NSD1: variants seen among roughly 807,000 people sequenced by gnomAD.
NSD1 encodes histone-lysine N-methyltransferase, H3 lysine-36 specific.
Under a neutral mutation model 242.7 loss-of-function variants are expected in NSD1, and 26 were observed. The ratio of observed to expected loss-of-function variants is 0.11; its 90% CI spans 0.08 to 0.15. The LOEUF (loss-of-function observed/expected upper bound fraction) is 0.15, where lower values mean the gene tolerates loss of function less well. NSD1 is among the 10% of genes least tolerant of loss of function. The probability of loss-of-function intolerance (pLI) is 1.00; values close to 1 mark genes in which losing one functional copy is unlikely to be tolerated. For missense variants in NSD1, 2,495 were observed against 3,272.8 expected (o/e 0.76, Z 5.80); for synonymous variants, 1,106 against 1,178.1 (o/e 0.94, Z 1.25).
intron 17 of NSD1, among the ~76,000 whole-genome samples, chr5:177,274,039 A>G (rs2127242872): frequency 6.6e-6 from 1 of 152,216 alleles, no homozygotes; most frequent in East Asian, 1.9e-4. Context: ...CTGTAATTCC[A>G]GCTACTTGGG....
intron 5 of NSD1, among the ~76,000 whole-genome samples, chr5:177,235,330 A>G (rs1482965339): frequency 6.6e-6 from 1 of 152,234 alleles, no homozygotes; most frequent in East Asian, 1.9e-4. Context: ...TGGTATTTCA[A>G]TTTGGGTCCC....
At chr5:177,279,100 G>A (rs1486858667) in intron 17 of NSD1, among the ~76,000 whole-genome samples, 1 of 152,190 alleles carries the variant, frequency 6.6e-6, no homozygotes, top group Admixed American at 6.5e-5. Context: ...CCTGCCTGTA[G>A]TCCCAACTAC....
At chr5:177,158,271 TTC>T (rs1407594439) in intron 2 of NSD1, among the ~76,000 whole-genome samples, 1 of 104,250 alleles carries the variant, frequency 9.6e-6, no homozygotes, top group Non-Finnish European at 1.7e-5. Context: ...CTTTCTTTCT[TTC>T]TTTCTTTCTT....
intron 3 of NSD1, among the ~76,000 whole-genome samples, chr5:177,196,080 T>C (rs573525503): frequency 2.2e-4 from 33 of 152,280 alleles, no homozygotes; most frequent in African/African-American, 7.2e-4. Context: ...TTATCTCTGA[T>C]CTGTTACTTG....
At chr5:177,223,959 C>A (rs943165578) in intron 5 of NSD1, among the ~76,000 whole-genome samples, 2 of 152,172 alleles carry the variant, frequency 1.3e-5, no homozygotes, top group Non-Finnish European at 2.9e-5. Flanking sequence ...GCACTCCAGC[C>A]TGCCTGGGTG....
In NSD1 at chr5:177,294,074, C is replaced by G; in HGVS notation, c.6706C>G (p.Leu2236Val). The G allele has an allele frequency of 6.2e-7, 1 of 1,614,094 alleles. No individual in the cohort carries two copies. Reference sequence around the variant, plus strand: ...GCTGCCTCCAGGGCCAAGCACTCACCTGGCAGAGCAATCAACAGGAATGGC... The same window carrying G: ...GCTGCCTCCAGGGCCAAGCACTCACGTGGCAGAGCAATCAACAGGAATGGC... ...VPLPPGPSTH[L>V]AEQSTGMAAQ... Residue 2236 changes from leucine (L) to valine (V), a missense_variant, in exon 23 of 23, where the codon CTG (leucine) becomes GTG (valine). Leu to Val is a conservative substitution (Grantham distance 32, BLOSUM62 1). Coordinates refer to ENST00000439151, the MANE Select transcript of NSD1 (RefSeq NM_022455.5).
chr5:177,202,238 T>A (rs1037787123), intron 3 of NSD1, among the ~76,000 whole-genome samples: 4 of 152,062 alleles, frequency 2.6e-5, no homozygotes, highest in Non-Finnish European at 4.4e-5. Flanking sequence ...TGGTTTTTTT[T>A]AAGAAATAAG....
intron 2 of NSD1, among the ~76,000 whole-genome samples, chr5:177,150,902 G>C (rs927423544): frequency 7.9e-5 from 12 of 152,132 alleles, no homozygotes; most frequent in African/African-American, 2.9e-4. Flanking sequence ...ACACTAATTT[G>C]TCATTGGAAT....
chr5:177,161,685 T>C (rs1457075886), intron 2 of NSD1, among the ~76,000 whole-genome samples: 1 of 147,584 alleles, frequency 6.8e-6, no homozygotes. Context: ...TCTTTCTTTT[T>C]TTTTTTTTTT....
chr5:177,202,589 G>A (rs1042290511), intron 3 of NSD1, among the ~76,000 whole-genome samples: 2 of 152,016 alleles, frequency 1.3e-5, no homozygotes, highest in Non-Finnish European at 2.9e-5. Flanking sequence ...ATGTTTCCCA[G>A]GCTGGTCTCG....
chr5:177,297,559 A>G lies in NSD1; in HGVS notation c.*2100A>G, dbSNP rs1760327919. 2 of 226,886 alleles carry G rather than the reference A, an allele frequency of 8.8e-6. No individual in the cohort carries two copies. Among genetic ancestry groups the G allele is most frequent in the Non-Finnish European group, 1.7e-5 (2 of 115,360 alleles). 14.1% of individuals were successfully genotyped at this position (226,886 alleles called of 1,614,324 possible). On this transcript the variant is annotated 3_prime_UTR_variant, in exon 23 of 23. Coordinates refer to ENST00000439151, the MANE Select transcript of NSD1 (RefSeq NM_022455.5). ...TTCTCTCCAGTCATCTGTAGTTGTG[A>G]TCAGAAAAAGGTATCTGCACTGCAC...
At chr5:177,293,062 C>A (rs905071021) in intron 22 of NSD1, among the ~76,000 whole-genome samples, 1 of 152,164 alleles carries the variant, frequency 6.6e-6, no homozygotes, top group African/African-American at 2.4e-5. Flanking sequence ...ATCACATTGA[C>A]CTGTCAGCAC....
chr5:177,164,149 C>CTTTTTTTTTTTTTTTTTTTTTTTTTT (rs56076836), intron 2 of NSD1, among the ~76,000 whole-genome samples: 1 of 138,392 alleles, frequency 7.2e-6, no homozygotes, highest in African/African-American at 2.7e-5. Context: ...AAAATGTAAC[C>CTTTTTTTTTTTTTTTTTTTTTTTTTT]TTTTTTTTTT....
intron 16 of NSD1, among the ~76,000 whole-genome samples, chr5:177,272,578 T>G (rs1415575550): frequency 6.6e-6 from 1 of 152,178 alleles, no homozygotes; most frequent in African/African-American, 2.4e-5. Context: ...TTTCAGATAC[T>G]GCAATCTTTT....
chr5:177,209,317 C>T (rs1228704745), intron 4 of NSD1, among the ~76,000 whole-genome samples: 1 of 151,720 alleles, frequency 6.6e-6, no homozygotes, highest in Non-Finnish European at 1.5e-5. Context: ...CACTTCAGGT[C>T]AGGAGTTTGA....
intron 5 of NSD1, among the ~76,000 whole-genome samples, chr5:177,226,130 T>C (rs1227210492): frequency 2.0e-5 from 3 of 152,170 alleles, no homozygotes; most frequent in Non-Finnish European, 4.4e-5. Context: ...CACTGCAACC[T>C]TTGCCTCCGG....
chr5:177,142,610 T>TA (rs1756918027), intron 2 of NSD1, among the ~76,000 whole-genome samples: 1 of 152,234 alleles, frequency 6.6e-6, no homozygotes, highest in African/African-American at 2.4e-5. Context: ...GGTATAAAGA[T>TA]AGGCTTATAT....
At chr5:177,267,312 A>G (rs775290707) in intron 14 of NSD1, among the ~76,000 whole-genome samples, 3 of 152,238 alleles carry the variant, frequency 2.0e-5, no homozygotes, top group Admixed American at 1.3e-4. Flanking sequence ...TGAGGAAATT[A>G]TAGCTCAGCA....
At chr5:177,241,971 A>G (rs1581418108) in intron 8 of NSD1, among the ~76,000 whole-genome samples, 1 of 152,220 alleles carries the variant, frequency 6.6e-6, no homozygotes, top group Non-Finnish European at 1.5e-5. Flanking sequence ...GACTATATAT[A>G]CAAAGTAAGT....
Sources: allele counts gnomAD v4.1 joint callset (sites outside exome capture counted in the v4.1 genomes callset), GRCh38; gene constraint gnomAD v4.1.1; transcripts MANE v1.5; gene names NCBI Gene and HGNC (gene_info 2026-07-23, HGNC 2026-07-21).